PPA2: variants seen among roughly 807,000 people sequenced by gnomAD.
PPA2 encodes inorganic pyrophosphatase 2, mitochondrial.
A neutral mutation model predicts 49.5 loss-of-function variants in PPA2; 48 were observed. The observed-to-expected ratio is 0.97, with a 90% CI of 0.77 to 1.23. The LOEUF (loss-of-function observed/expected upper bound fraction) is 1.23. PPA2 is among the 50% of genes most tolerant of loss of function. The pLI is 0.00. For synonymous variants in PPA2, 131 were observed against 139.9 expected (o/e 0.94, Z 0.45); for missense variants, 429 against 410.1 (o/e 1.05, Z -0.40).
chr4:105,449,448 CT>C, intron 3 of PPA2, 45 bp from the exon 4 acceptor site: 4 of 1,320,616 alleles, frequency 3.0e-6, no homozygotes, highest in Non-Finnish European at 3.2e-6. Flanking sequence ...AAAATTTTAC[CT>C]TTTATTTTTT....
At chr4:105,435,363 A>C (rs772783839) in intron 6 of PPA2, among the ~76,000 whole-genome samples, 2 of 152,204 alleles carry the variant, frequency 1.3e-5, no homozygotes, top group Non-Finnish European at 2.9e-5. Flanking sequence ...GAATTGTTCC[A>C]TGTTTTTCAC....
intron 9 of PPA2, among the ~76,000 whole-genome samples, chr4:105,388,563 G>A (rs897347084): frequency 6.6e-6 from 1 of 152,028 alleles, no homozygotes; most frequent in African/African-American, 2.4e-5. Flanking sequence ...AGTGGCTCAC[G>A]CCAGTAATCC....
intron 10 of PPA2, among the ~76,000 whole-genome samples, chr4:105,385,372 T>C (rs893098120): frequency 1.3e-5 from 2 of 151,026 alleles, no homozygotes; most frequent in African/African-American, 4.9e-5. Flanking sequence ...ACCTATATCT[T>C]ACCACATAAC....
chr4:105,423,224 C>T (rs1283053443), intron 7 of PPA2: 1 of 152,038 alleles, frequency 6.6e-6, no homozygotes, highest in African/African-American at 2.4e-5. Context: ...CTCCCTTTCT[C>T]AGTTATATAC....
At position 105,419,530 on chromosome 4, in the gene PPA2, A is replaced by T. The variant is rs373472576; in HGVS notation, c.655+4666T>A. Reference sequence around the variant, plus strand: ...TTTACAGTGGCTACTCCATTTTTAGAAGGTGAAACTAGAAGACTTAAAACA... The same window carrying T: ...TTTACAGTGGCTACTCCATTTTTAGTAGGTGAAACTAGAAGACTTAAAACA... On this transcript the variant is annotated intron_variant, in intron 7 of 11. Transcript: ENST00000341695. Among the ~76,000 whole-genome samples the T allele has an allele frequency of 9.8e-5, 15 of 152,338 alleles. No homozygotes were observed. In the East Asian group the frequency reaches 2.5e-3, roughly 25 times the overall value.
chr4:105,420,509 T>G (rs967861584), intron 7 of PPA2, among the ~76,000 whole-genome samples: 3 of 152,280 alleles, frequency 2.0e-5, no homozygotes, highest in Admixed American at 1.3e-4. Context: ...ACTACACAAT[T>G]AAAAAGAAAA....
At chr4:105,459,767 C>G (rs1463731308) in intron 1 of PPA2, among the ~76,000 whole-genome samples, 3 of 152,146 alleles carry the variant, frequency 2.0e-5, no homozygotes, top group Non-Finnish European at 4.4e-5. Context: ...TTGATACACA[C>G]AATAAAATGG....
chr4:105,402,573 A>G (rs1289676656), intron 7 of PPA2, among the ~76,000 whole-genome samples: 1 of 152,188 alleles, frequency 6.6e-6, no homozygotes, highest in Non-Finnish European at 1.5e-5. Flanking sequence ...GCACAGTGAA[A>G]AAACAGAAAG....
chr4:105,418,520 T>C (rs948330538), intron 7 of PPA2, among the ~76,000 whole-genome samples: 18 of 152,222 alleles, frequency 1.2e-4, no homozygotes, highest in African/African-American at 4.1e-4. Context: ...TTAATAATTT[T>C]AGGACAAGTG....
intron 7 of PPA2, among the ~76,000 whole-genome samples, chr4:105,416,875 T>C (rs895915847): frequency 6.6e-6 from 1 of 152,214 alleles, no homozygotes; most frequent in South Asian, 2.1e-4. Flanking sequence ...AAAATGTGTA[T>C]TAACATCATG....
At chr4:105,371,237 A>G (rs1733014950) in intron 10 of PPA2, among the ~76,000 whole-genome samples, 1 of 152,186 alleles carries the variant, frequency 6.6e-6, no homozygotes, top group Admixed American at 6.5e-5. Flanking sequence ...ATGTTTGTTC[A>G]TGCTTGCTAT....
intron 10 of PPA2, among the ~76,000 whole-genome samples, chr4:105,377,808 A>G (rs945039234): frequency 6.6e-6 from 1 of 152,130 alleles, no homozygotes. Context: ...TGTGTATGAT[A>G]TATCTGTTTT....
At chr4:105,420,087 C>T (rs1723187554) in intron 7 of PPA2, among the ~76,000 whole-genome samples, 1 of 152,060 alleles carries the variant, frequency 6.6e-6, no homozygotes. Context: ...ATTCTCTTGC[C>T]TCAGCCTCCC....
chr4:105,448,219 A>AT (rs1722497894), intron 4 of PPA2: 1 of 201,460 alleles, frequency 5.0e-6, no homozygotes, highest in African/African-American at 2.4e-5. Context: ...ATGATGAAAC[A>AT]TTATACATGA....
At chr4:105,462,136 G>C (rs1157078824) in intron 1 of PPA2, among the ~76,000 whole-genome samples, 1 of 152,092 alleles carries the variant, frequency 6.6e-6, no homozygotes, top group African/African-American at 2.4e-5. Context: ...GAGGGATATG[G>C]TATATGGAAC....
intron 9 of PPA2, among the ~76,000 whole-genome samples, chr4:105,387,675 A>T (rs1733737882): frequency 6.6e-6 from 1 of 152,184 alleles, no homozygotes; most frequent in Non-Finnish European, 1.5e-5. Flanking sequence ...TAGCAGTAAC[A>T]TCTTTAAGAC....
At chr4:105,409,251 C>T (rs755898505) in intron 7 of PPA2, among the ~76,000 whole-genome samples, 9 of 152,246 alleles carry the variant, frequency 5.9e-5, no homozygotes, top group African/African-American at 1.9e-4. Flanking sequence ...AATTCCCTTC[C>T]GTGTCTGGCT....
intron 8 of PPA2, among the ~76,000 whole-genome samples, chr4:105,397,308 C>T (rs113860617): frequency 3.0e-4 from 46 of 152,174 alleles, no homozygotes; most frequent in African/African-American, 9.9e-4. Context: ...CGATGGAGGA[C>T]GACTTATATC....
At chr4:105,380,545 T>C (rs1733446833) in intron 10 of PPA2, among the ~76,000 whole-genome samples, 1 of 152,162 alleles carries the variant, frequency 6.6e-6, no homozygotes, top group South Asian at 2.1e-4. Flanking sequence ...TTATAACACA[T>C]ACCTACTCTC....
Sources: gnomAD v4.1 joint callset for allele counts (sites outside exome capture counted in the v4.1 genomes callset) on GRCh38, gnomAD v4.1.1 for gene constraint, MANE v1.5 for transcripts, NCBI Gene and HGNC (gene_info 2026-07-23, HGNC 2026-07-21) for gene names.